The following NLRP4 variants were observed in gnomAD, a reference collection of about 807,000 sequenced individuals.
NLRP4 encodes the protein NACHT, LRR and PYD domains-containing protein 4.
A neutral mutation model predicts 84.7 loss-of-function variants in NLRP4; 44 were observed. That is an observed-to-expected ratio of 0.52 (90% CI 0.41 to 0.67). NLRP4 has a LOEUF of 0.67. Ranked by LOEUF, NLRP4 falls within the 30% of genes least tolerant of loss-of-function variation. The probability of loss-of-function intolerance (pLI) is 0.00; values close to 1 mark genes in which losing one functional copy is unlikely to be tolerated. For missense variants in NLRP4, 1,260 were observed against 1,219.4 expected, an observed-to-expected ratio of 1.03 and a Z score of -0.50; for synonymous variants, 544 against 476.4, an observed-to-expected ratio of 1.14 and a Z score of -1.85.
At chr19:55,855,753 T>C (rs887127446) in intron 2 of NLRP4, among the ~76,000 whole-genome samples, 1 of 152,242 alleles carries the variant, frequency 6.6e-6, no homozygotes, top group African/African-American at 2.4e-5. Context: ...ACTAGTTATT[T>C]AAGGAACAGA....
At chr19:55,866,624 C>T (rs566371819) in intron 5 of NLRP4, among the ~76,000 whole-genome samples, 4 of 152,238 alleles carry the variant, frequency 2.6e-5, no homozygotes, top group South Asian at 2.1e-4. Flanking sequence ...CTAGGGGACT[C>T]GGGTTCAAGG....
In NLRP4 at chr19:55,876,979, C is replaced by T. The variant is rs771871841; in HGVS notation, c.2526-17C>T. The T allele has an allele frequency of 6.2e-7, 1 of 1,607,260 alleles. No individual in the cohort carries two copies. The stretch of plus-strand genomic sequence containing the variant: ...GGTGTAATAGCCTTTAAGCATGGTA[C>T]CCTTACTCCTTTGCAGTTTGGTAAA... On this transcript the variant is annotated splice_polypyrimidine_tract_variant and intron_variant, in intron 7 of 9. Transcript: ENST00000301295.
At chr19:55,853,941 T>TTCTCTCTC (rs1238416966) in intron 2 of NLRP4, among the ~76,000 whole-genome samples, 1 of 140,024 alleles carries the variant, frequency 7.1e-6, no homozygotes, top group African/African-American at 2.9e-5. Context: ...CTCTCTCTCT[T>TTCTCTCTC]TCTGTCTTTC....
At chr19:55,860,852 C>T (rs1984723057) in intron 3 of NLRP4, among the ~76,000 whole-genome samples, 1 of 152,274 alleles carries the variant, frequency 6.6e-6, no homozygotes, top group East Asian at 1.9e-4. Context: ...GTGGCACGCA[C>T]CTATTATCCC....
chr19:55,872,005 G>A (rs553127580), intron 7 of NLRP4, among the ~76,000 whole-genome samples: 87 of 151,972 alleles, frequency 5.7e-4, no homozygotes, highest in Admixed American at 9.8e-4. Context: ...CCGCCACCAC[G>A]CCTGGCTAAT....
intron 6 of NLRP4, 143 bp from the exon 7 acceptor site, chr19:55,870,682 AGG>A: frequency 1.7e-6 from 1 of 596,782 alleles, no homozygotes; most frequent in Non-Finnish European, 3.0e-6. Context: ...AAATGAGAGG[AGG>A]TGTTTTCAGA....
At chr19:55,838,267 A>C (rs1236418602) in intron 1 of NLRP4, among the ~76,000 whole-genome samples, 4 of 151,772 alleles carry the variant, frequency 2.6e-5, no homozygotes, top group Non-Finnish European at 5.9e-5. Flanking sequence ...GCGCCATTGC[A>C]TTCCAGCCTG....
intron 1 of NLRP4, among the ~76,000 whole-genome samples, chr19:55,839,740 TATTTTA>T (rs1233795992): frequency 6.6e-6 from 1 of 152,186 alleles, no homozygotes; most frequent in Non-Finnish European, 1.5e-5. Flanking sequence ...CAGAGTCTTG[TATTTTA>T]ATTTTTATTT....
At chr19:55,865,083 A>T (rs1444082417) in intron 5 of NLRP4, among the ~76,000 whole-genome samples, 2 of 152,156 alleles carry the variant, frequency 1.3e-5, no homozygotes, top group African/African-American at 2.4e-5. Context: ...TTATTTCGTC[A>T]CCCGTTAATA....
At chr19:55,843,577 A>G (rs1380554883) in intron 1 of NLRP4, among the ~76,000 whole-genome samples, 3 of 152,122 alleles carry the variant, frequency 2.0e-5, no homozygotes, top group African/African-American at 7.2e-5. Context: ...CTGTGATCCC[A>G]GCTGCTCAGG....
intron 5 of NLRP4, among the ~76,000 whole-genome samples, chr19:55,863,128 C>G (rs954889920): frequency 1.3e-5 from 2 of 152,118 alleles, no homozygotes; most frequent in Admixed American, 6.5e-5. Flanking sequence ...TGCTCCTGTT[C>G]CATGAGAAAG....
At position 55,855,700 on chromosome 19, in the gene NLRP4, C is replaced by G. The variant is rs1434570488; in HGVS notation, c.281-1974C>G. Among the ~76,000 whole-genome samples the G allele has an allele frequency of 2.0e-5, 3 of 152,378 alleles. No homozygotes were observed. In the East Asian group the frequency reaches 5.8e-4, roughly 29 times the overall value. Reference sequence around the variant, plus strand: ...CCATCTACAACTGCCCCCTACATCTCCAGTCCATCAGCAGCTACTCACTTG... The same window carrying G: ...CCATCTACAACTGCCCCCTACATCTGCAGTCCATCAGCAGCTACTCACTTG... On this transcript the variant is annotated intron_variant, in intron 2 of 9. Coordinates refer to ENST00000301295, the MANE Select transcript of NLRP4 (RefSeq NM_134444.5).
At chr19:55,850,551 G>A (rs1427637476) in intron 1 of NLRP4, among the ~76,000 whole-genome samples, 1 of 69,400 alleles carries the variant, frequency 1.4e-5, no homozygotes, top group Non-Finnish European at 2.6e-5. Flanking sequence ...TGTAATGTCC[G>A]TGGCTGCGGT....
intron 7 of NLRP4, among the ~76,000 whole-genome samples, chr19:55,872,689 A>AGAGG (rs773355774): frequency 2.2e-4 from 34 of 152,232 alleles, no homozygotes; most frequent in Non-Finnish European, 4.4e-4. Context: ...AAATCATAGA[A>AGAGG]GAGGGTATAA....
In NLRP4 at chr19:55,862,160, G is replaced by T. The variant is rs904945057; in HGVS notation, c.2186+1G>T. The T allele has an allele frequency of 1.2e-6, 2 of 1,609,166 alleles. No individual in the cohort carries two copies. The highest frequency in any genetic ancestry group is 3.3e-5 in the Admixed American group (2 of 59,766). On this transcript the variant is annotated splice_donor_variant, in intron 5 of 9. Coordinates refer to ENST00000301295, the MANE Select transcript of NLRP4 (RefSeq NM_134444.5). LOFTEE classifies it high-confidence loss of function. ...CAGCAGGCAACGTCAAAGAGCTAGC[G>T]TAAGTCTCCGTTTATTGAGACCACT...
rs1984606335 is a variant in NLRP4, at chr19:55,859,077, G to A, written c.1684G>A (p.Asp562Asn). 6.2e-7 allele frequency: 1 copy of A among 1,613,870 alleles called. No individual in the cohort carries two copies. The highest frequency in any genetic ancestry group is 8.5e-7 in the Non-Finnish European group (1 of 1,179,756). The change falls in exon 3 of 10, where the codon GAT (aspartate) becomes AAT (asparagine). Residue 562 changes from aspartate to asparagine, a missense_variant. Asp to Asn is a conservative substitution (Grantham distance 23, BLOSUM62 1). This residue lies in a region of NLRP4 where 544 missense variants were observed against 531.7 expected (regional missense o/e 1.02). Transcript: ENST00000301295. ...ATTTTACTGTCTCTTTGAAATGCAGGATCCTGCCTTTGTGAAGCAGGCAGT... is the reference window on the plus strand; with the variant it reads ...ATTTTACTGTCTCTTTGAAATGCAGAATCCTGCCTTTGTGAAGCAGGCAGT... ...AIFYCLFEMQ[D>N]PAFVKQAVNL...
intron 1 of NLRP4, among the ~76,000 whole-genome samples, chr19:55,847,967 A>C (rs957276399): frequency 3.3e-5 from 5 of 152,020 alleles, no homozygotes; most frequent in African/African-American, 7.2e-5. Flanking sequence ...TGCCTGCCTT[A>C]GCCTCCCAAA....
intron 3 of NLRP4, among the ~76,000 whole-genome samples, chr19:55,859,806 A>T (rs1345174921): frequency 6.6e-6 from 1 of 151,218 alleles, no homozygotes; most frequent in Non-Finnish European, 1.5e-5. Context: ...GCACACCTGT[A>T]ATCCCAGCTA....
intron 2 of NLRP4, among the ~76,000 whole-genome samples, chr19:55,857,250 G>A (rs1373999783): frequency 1.3e-5 from 2 of 151,686 alleles, no homozygotes; most frequent in East Asian, 3.9e-4. Context: ...ACTTTACATA[G>A]TAGCAATGAA....
Sources: allele counts gnomAD v4.1 joint callset (sites outside exome capture counted in the v4.1 genomes callset), GRCh38; gene constraint gnomAD v4.1.1; regional missense constraint gnomAD v4.1.1; transcripts MANE v1.5; gene names NCBI Gene and HGNC (gene_info 2026-07-23, HGNC 2026-07-21).